Variants in KHDRBS2 observed in about 807,000 individuals in gnomAD.
The protein encoded by KHDRBS2 is KH RNA binding domain containing, signal transduction associated 2.
KHDRBS2 carries 26 observed loss-of-function variants against 44.3 expected under a neutral mutation model. That is an observed-to-expected ratio of 0.59 (90% CI 0.43 to 0.81). KHDRBS2 has a LOEUF of 0.81. Among genes scored for constraint, KHDRBS2 ranks in the 40% least tolerant of loss-of-function variants. The pLI is 0.00. For synonymous variants in KHDRBS2, 194 were observed against 151.1 expected, an observed-to-expected ratio of 1.28 and a Z score of -2.08; for missense variants, 476 against 433.1, an observed-to-expected ratio of 1.10 and a Z score of -0.88.
chr6:62,088,892 C>A (rs1331335482), intron 2 of KHDRBS2, among the ~76,000 whole-genome samples: 2 of 152,170 alleles, frequency 1.3e-5, no homozygotes, highest in Non-Finnish European at 2.9e-5. Context: ...ACTGGTGCTG[C>A]TGCCTTTCTT....
intron 1 of KHDRBS2, among the ~76,000 whole-genome samples, chr6:62,263,798 G>A (rs999314183): frequency 2.0e-5 from 3 of 151,624 alleles, no homozygotes; most frequent in Non-Finnish European, 3.0e-5. Context: ...TTGACACACT[G>A]GTTTTACATC....
intron 4 of KHDRBS2, among the ~76,000 whole-genome samples, chr6:61,925,472 T>G (rs1384425514): frequency 3.3e-5 from 5 of 152,090 alleles, no homozygotes; most frequent in Non-Finnish European, 5.9e-5. Context: ...TTCCAGCACT[T>G]TGGGAGGCCA....
intron 4 of KHDRBS2, among the ~76,000 whole-genome samples, chr6:61,908,410 A>C (rs1407058509): frequency 3.3e-5 from 5 of 151,882 alleles, no homozygotes; most frequent in Non-Finnish European, 5.9e-5. Flanking sequence ...CGAGGCGGGC[A>C]GATCACAAGG....
At chr6:62,239,872 G>A (rs919033427) in intron 1 of KHDRBS2, among the ~76,000 whole-genome samples, 1 of 151,886 alleles carries the variant, frequency 6.6e-6, no homozygotes, top group African/African-American at 2.4e-5. Flanking sequence ...ATTTATTAGA[G>A]GCAGGTTTCA....
At chr6:62,183,161 A>G (rs150847810) in intron 1 of KHDRBS2, among the ~76,000 whole-genome samples, 3,084 of 151,842 alleles carry the variant, frequency 0.02, 49 homozygotes, top group Middle Eastern at 0.051. Flanking sequence ...AACACAAGTT[A>G]TTTTGTGGTG....
At chr6:61,781,545 C>G (rs1323033784) in intron 6 of KHDRBS2, among the ~76,000 whole-genome samples, 1 of 152,092 alleles carries the variant, frequency 6.6e-6, no homozygotes, top group African/African-American at 2.4e-5. Context: ...CAAGCTTTTG[C>G]TTTTCCCAAA....
In KHDRBS2 at chr6:62,226,077, G is replaced by T. The variant is rs569398409; in HGVS notation, c.92-48765C>A. 3.9e-5 allele frequency among the ~76,000 whole-genome samples: 6 copies of T among 152,220 alleles called. No individual in the cohort carries two copies. The East Asian group carries it at 5.8e-4, about 15-fold the overall frequency. On this transcript the variant is annotated intron_variant, in intron 1 of 8. Transcript: ENST00000281156. ...CAGTAATGGGATGGCTGGGTCAAATGGTACTTCTGGTTCTAGATCATTGAG... is the reference window on the plus strand; with the variant it reads ...CAGTAATGGGATGGCTGGGTCAAATTGTACTTCTGGTTCTAGATCATTGAG...
chr6:62,082,358 C>T (rs1188847683), intron 2 of KHDRBS2, among the ~76,000 whole-genome samples: 2 of 150,150 alleles, frequency 1.3e-5, no homozygotes. Flanking sequence ...AACTTTATTA[C>T]ATATCACAGA....
chr6:61,629,086 A>G, the KHDRBS2 span, among the ~76,000 whole-genome samples: 1 of 152,216 alleles, frequency 6.6e-6, no homozygotes, highest in Non-Finnish European at 1.5e-5. Flanking sequence ...AGCATTGTCC[A>G]TATTGTCCTG....
chr6:61,916,965 ATTTTTTTTTTTT>A (rs10700035), intron 4 of KHDRBS2, among the ~76,000 whole-genome samples: 4 of 90,640 alleles, frequency 4.4e-5, no homozygotes, highest in African/African-American at 8.5e-5. Context: ...GGAACTCTGT[ATTTTTTTTTTTT>A]TTTTTTTTTT....
intron 4 of KHDRBS2, among the ~76,000 whole-genome samples, chr6:61,954,624 A>G (rs2127386603): frequency 7.0e-6 from 1 of 142,034 alleles, no homozygotes; most frequent in African/African-American, 2.6e-5. Flanking sequence ...ATACATATAT[A>G]TGTATATATA....
chr6:61,915,501 T>C (rs1159081748), intron 4 of KHDRBS2, among the ~76,000 whole-genome samples: 1 of 152,006 alleles, frequency 6.6e-6, no homozygotes, highest in African/African-American at 2.4e-5. Context: ...TATTGTCCTA[T>C]AGTAGAATCA....
chr6:61,633,785 A>G, the KHDRBS2 span, among the ~76,000 whole-genome samples: 3 of 140,010 alleles, frequency 2.1e-5, no homozygotes, highest in African/African-American at 8.1e-5. Context: ...ATATATTAAT[A>G]TATAGATTGA....
chr6:62,270,278 T>TCTCTCTC (rs1839864569), intron 1 of KHDRBS2, among the ~76,000 whole-genome samples: 1 of 117,620 alleles, frequency 8.5e-6, no homozygotes, highest in Non-Finnish European at 1.6e-5. Context: ...TGGAACCCCA[T>TCTCTCTC]CTCTCTCTCT....
At chr6:61,700,436 T>A (rs559192084) in intron 7 of KHDRBS2, among the ~76,000 whole-genome samples, 4 of 149,940 alleles carry the variant, frequency 2.7e-5, no homozygotes, top group Admixed American at 6.8e-5. Context: ...ACTAGATATT[T>A]GTAAAATAAT....
intron 8 of KHDRBS2, among the ~76,000 whole-genome samples, chr6:61,684,083 A>G (rs990478281): frequency 2.6e-5 from 4 of 151,956 alleles, no homozygotes; most frequent in Non-Finnish European, 4.4e-5. Context: ...TCCTAATATC[A>G]GAATGTTTAT....
chr6:61,736,797 A>G (rs1775433831), intron 6 of KHDRBS2, among the ~76,000 whole-genome samples: 1 of 152,020 alleles, frequency 6.6e-6, no homozygotes, highest in East Asian at 1.9e-4. Context: ...TCCTGCTTCT[A>G]ACAACCATAT....
chr6:61,660,904 C>G, the KHDRBS2 span, among the ~76,000 whole-genome samples: 3 of 151,860 alleles, frequency 2.0e-5, no homozygotes, highest in Admixed American at 6.6e-5. Context: ...TGTCCCCCAT[C>G]CTCCTTACTG....
At chr6:61,640,547 T>C in the KHDRBS2 span, among the ~76,000 whole-genome samples, 18 of 152,092 alleles carry the variant, frequency 1.2e-4, no homozygotes, top group African/African-American at 4.3e-4. Context: ...GAATGCTTAG[T>C]GAGTCTGGAT....
Sources: gnomAD v4.1 joint callset for allele counts (sites outside exome capture counted in the v4.1 genomes callset) on GRCh38, gnomAD v4.1.1 for gene constraint, MANE v1.5 for transcripts, NCBI Gene and HGNC (gene_info 2026-07-23, HGNC 2026-07-21) for gene names.